TMCO5A: variants seen among roughly 807,000 people sequenced by gnomAD.
TMCO5A encodes transmembrane and coiled-coil domains 5A.
A neutral mutation model predicts 42.3 loss-of-function variants in TMCO5A; 34 were observed. That is an observed-to-expected ratio of 0.80 (90% CI 0.61 to 1.07). The LOEUF (loss-of-function observed/expected upper bound fraction) is 1.07, where lower values mean the gene tolerates loss of function less well. TMCO5A is among the 50% of genes least tolerant of loss of function. TMCO5A has a pLI of 0.00. For synonymous variants in TMCO5A, 131 were observed against 115.6 expected, an observed-to-expected ratio of 1.13 and a Z score of -0.86; for missense variants, 357 against 327.9, an observed-to-expected ratio of 1.09 and a Z score of -0.69.
At chr15:37,986,916 A>G in the TMCO5A span, among the ~76,000 whole-genome samples, 26 of 152,194 alleles carry the variant, frequency 1.7e-4, no homozygotes, top group East Asian at 4.3e-3. Context: ...TTCTGGCTGT[A>G]TATCCAGAAG....
At chr15:37,969,544 G>A (rs1398527394), downstream of TMCO5A, among the ~76,000 whole-genome samples, 1 of 152,146 alleles carries the variant, frequency 6.6e-6, no homozygotes, top group Non-Finnish European at 1.5e-5. Flanking sequence ...TGCTTTTTGT[G>A]TATAACTTTT....
downstream of TMCO5A, among the ~76,000 whole-genome samples, chr15:37,954,018 A>C (rs973993807): frequency 6.6e-6 from 1 of 151,996 alleles, no homozygotes; most frequent in African/African-American, 2.4e-5. Context: ...CAGTCAGAGG[A>C]CATAAAAGGA....
At chr15:38,019,392 A>T in the TMCO5A span, among the ~76,000 whole-genome samples, 1 of 152,190 alleles carries the variant, frequency 6.6e-6, no homozygotes, top group East Asian at 1.9e-4. Context: ...GGATAATACA[A>T]ATTCTGGTTA....
chr15:38,006,843 A>T, the TMCO5A span, among the ~76,000 whole-genome samples: 1 of 151,166 alleles, frequency 6.6e-6, no homozygotes, highest in Admixed American at 6.6e-5. Context: ...TAATATTTAT[A>T]TTATTTTAAT....
At chr15:37,936,160 G>T (rs1889502430) in intron 2 of TMCO5A, 154 bp from the exon 3 acceptor site, 2 of 861,018 alleles carry the variant, frequency 2.3e-6, no homozygotes, top group African/African-American at 1.7e-5. Context: ...TGTAGAGCAT[G>T]ATCAAGAAAT....
intron 11 of TMCO5A, among the ~76,000 whole-genome samples, chr15:37,960,218 T>A (rs1220403062): frequency 6.6e-6 from 1 of 151,788 alleles, no homozygotes; most frequent in African/African-American, 2.4e-5. Context: ...CAAAGTCCAT[T>A]GTATCATTCT....
the TMCO5A span, among the ~76,000 whole-genome samples, chr15:38,028,853 C>A: frequency 1.3e-5 from 2 of 152,044 alleles, no homozygotes; most frequent in African/African-American, 4.8e-5. Context: ...AATAGTGAGC[C>A]CTGCTGGACT....
chr15:37,981,197 C>A, the TMCO5A span, among the ~76,000 whole-genome samples: 5 of 84,556 alleles, frequency 5.9e-5, no homozygotes, highest in Admixed American at 1.6e-4. Context: ...TAGAGAAAGC[C>A]AGCAAAAAAA....
At chr15:37,974,779 T>C in the TMCO5A span, among the ~76,000 whole-genome samples, 2 of 152,212 alleles carry the variant, frequency 1.3e-5, no homozygotes, top group African/African-American at 4.8e-5. Flanking sequence ...TTTCTTGTCT[T>C]CTGCTAGCTC....
intron 9 of TMCO5A, chr15:37,942,900 A>G (rs1027493192): frequency 6.5e-6 from 1 of 153,400 alleles, no homozygotes; most frequent in Non-Finnish European, 1.5e-5. Flanking sequence ...ATTTCTATTT[A>G]TGAAATATTT....
At chr15:37,945,766 A>G (rs1396821330) in intron 10 of TMCO5A, among the ~76,000 whole-genome samples, 1 of 152,126 alleles carries the variant, frequency 6.6e-6, no homozygotes, top group Non-Finnish European at 1.5e-5. Flanking sequence ...GACTCTGGGT[A>G]TTAGACATTT....
At chr15:37,999,110 T>C in the TMCO5A span, among the ~76,000 whole-genome samples, 1 of 152,198 alleles carries the variant, frequency 6.6e-6, no homozygotes, top group Non-Finnish European at 1.5e-5. Flanking sequence ...TTCTCCGTGT[T>C]GGTCAGGCTG....
At chr15:38,033,736 C>T in the TMCO5A span, among the ~76,000 whole-genome samples, 1 of 152,086 alleles carries the variant, frequency 6.6e-6, no homozygotes, top group Admixed American at 6.5e-5. Context: ...AAGCACTTCT[C>T]CTGAGTAGCT....
intron 6 of TMCO5A, 40 bp downstream of exon 6, chr15:37,938,269 T>G: frequency 6.7e-7 from 1 of 1,485,872 alleles, no homozygotes; most frequent in Non-Finnish European, 9.1e-7. Flanking sequence ...TTGGGCTATG[T>G]AACCAGGAAA....
At chr15:37,995,857 A>C in the TMCO5A span, among the ~76,000 whole-genome samples, 3 of 149,258 alleles carry the variant, frequency 2.0e-5, no homozygotes, top group East Asian at 5.9e-4. Flanking sequence ...AAAAAAAAAC[A>C]AACAAACAAA....
At chr15:38,029,791 C>G in the TMCO5A span, among the ~76,000 whole-genome samples, 1 of 152,292 alleles carries the variant, frequency 6.6e-6, no homozygotes, top group East Asian at 1.9e-4. Context: ...TAATTCAACT[C>G]TCTCAGAACT....
At chr15:38,005,395 CAAAAAAAAA>C in the TMCO5A span, among the ~76,000 whole-genome samples, 10 of 44,030 alleles carry the variant, frequency 2.3e-4, no homozygotes, top group Non-Finnish European at 3.7e-4. Flanking sequence ...CCATCTCTAC[CAAAAAAAAA>C]AAAAAAAAAA....
chr15:38,005,838 G>A, the TMCO5A span, among the ~76,000 whole-genome samples: 1 of 152,194 alleles, frequency 6.6e-6, no homozygotes, highest in East Asian at 1.9e-4. Context: ...GACTCCCTGT[G>A]CAGCAGGGAT....
chr15:37,972,200 C>G, downstream of TMCO5A, among the ~76,000 whole-genome samples: 1 of 152,186 alleles, frequency 6.6e-6, no homozygotes, highest in South Asian at 2.1e-4. Context: ...CGCATCGCAG[C>G]AGACAAGAGA....
Sources: gnomAD v4.1 joint callset for allele counts (sites outside exome capture counted in the v4.1 genomes callset) on GRCh38, gnomAD v4.1.1 for gene constraint, MANE v1.5 for transcripts, NCBI Gene and HGNC (gene_info 2026-07-23, HGNC 2026-07-21) for gene names.